Variants in BRK1 observed in about 807,000 individuals in gnomAD.
BRK1 encodes the protein BRICK1 subunit of SCAR/WAVE actin nucleating complex.
Under a neutral mutation model 9.9 loss-of-function variants are expected in BRK1, and 6 were observed. The ratio of observed to expected loss-of-function variants is 0.60; its 90% CI spans 0.33 to 1.19. The LOEUF (loss-of-function observed/expected upper bound fraction) is 1.19. BRK1 is among the 50% of genes most tolerant of loss of function. The pLI is 0.04. For synonymous variants in BRK1, 44 were observed against 31.9 expected (o/e 1.38, Z -1.28); for missense variants, 62 against 97.5 (o/e 0.64, Z 1.53).
At chr3:10,118,740 A>C (rs1695718479) in intron 1 of BRK1, among the ~76,000 whole-genome samples, 1 of 152,000 alleles carries the variant, frequency 6.6e-6, no homozygotes, top group Non-Finnish European at 1.5e-5. Flanking sequence ...ACCTCTGTTC[A>C]ACCTCCCAAA....
intron 1 of BRK1, among the ~76,000 whole-genome samples, chr3:10,125,112 C>CT (rs1695819158): frequency 6.6e-6 from 1 of 151,594 alleles, no homozygotes; most frequent in African/African-American, 2.4e-5. Flanking sequence ...AGAGAAAGGA[C>CT]TTTTTTTTGA....
At chr3:10,116,191 C>A (rs1270927156) in intron 1 of BRK1, among the ~76,000 whole-genome samples, 7 of 152,202 alleles carry the variant, frequency 4.6e-5, no homozygotes, top group African/African-American at 1.4e-4. Context: ...AAGTGAGCAT[C>A]CGGGACCGTG....
intron 1 of BRK1, among the ~76,000 whole-genome samples, chr3:10,125,122 A>C (rs1490955670): frequency 2.6e-5 from 4 of 151,856 alleles, no homozygotes; most frequent in Non-Finnish European, 4.4e-5. Context: ...CTTTTTTTTG[A>C]GACAGAGTTT....
At chr3:10,121,712 C>G (rs943172199) in intron 1 of BRK1, among the ~76,000 whole-genome samples, 1 of 151,282 alleles carries the variant, frequency 6.6e-6, no homozygotes, top group East Asian at 1.9e-4. Flanking sequence ...GAATATTTTC[C>G]TATTTCATTA....
intron 1 of BRK1, among the ~76,000 whole-genome samples, chr3:10,123,791 A>G (rs1290853411): frequency 8.3e-6 from 1 of 119,990 alleles, no homozygotes; most frequent in African/African-American, 3.4e-5. Context: ...GCTGCAGTGC[A>G]GTGGTGCAAT....
chr3:10,123,865 A>C (rs1182404685), intron 1 of BRK1, among the ~76,000 whole-genome samples: 1 of 148,212 alleles, frequency 6.7e-6, no homozygotes, highest in African/African-American at 2.5e-5. Context: ...CCTCCCGAGT[A>C]GCTGGGACTA....
At chr3:10,122,575 C>T (rs1695772856) in intron 1 of BRK1, among the ~76,000 whole-genome samples, 1 of 151,962 alleles carries the variant, frequency 6.6e-6, no homozygotes, top group South Asian at 2.1e-4. Flanking sequence ...TAGCCAGGCA[C>T]AGTGGCATCC....
chr3:10,125,841 A>G, intron 2 of BRK1, 133 bp downstream of exon 2: 1 of 639,070 alleles, frequency 1.6e-6, no homozygotes, highest in Non-Finnish European at 2.7e-6. Context: ...CTGTAATCCC[A>G]GCACTTTGGG....
rs1379998078 is a variant in BRK1 at position 10,126,254 on chromosome 3, C to G, written c.202-15C>G. 2 of 1,516,236 alleles carry G rather than the reference C, an allele frequency of 1.3e-6. No homozygotes were observed. The highest frequency in any genetic ancestry group is 1.8e-6 in the Non-Finnish European group (2 of 1,137,418). The allele number at this position is 1,516,236 out of a possible 1,614,324, so 93.9% of individuals were successfully genotyped here. A position where few individuals can be genotyped will look rare whatever the true frequency, so the allele number is the denominator to read the frequency against. On this transcript the variant is annotated splice_polypyrimidine_tract_variant and intron_variant, in intron 2 of 2. Transcript: ENST00000530758. ...TTTAATTTATCTAAATGTCAGTTTTCCTTTCCTTTCACAGGTGACAAAAGG... is the reference window on the plus strand; with the variant it reads ...TTTAATTTATCTAAATGTCAGTTTTGCTTTCCTTTCACAGGTGACAAAAGG...
In BRK1 at chr3:10,125,657, A is replaced by G; in HGVS notation, c.150A>G (p.Leu50=). The change falls in exon 2 of 3, where the codon CTA becomes CTG. Residue 50 remains leucine, a synonymous_variant. Coordinates refer to ENST00000530758, the MANE Select transcript of BRK1 (RefSeq NM_018462.5). ...DMSCRSRLAT[L]NEKLTALERR... ...CTTGTCGTTCAAGACTTGCAACACT[A>G]AACGAGAAATTGACAGCCCTTGAAC... The G allele has an allele frequency of 6.2e-7, 1 of 1,612,998 alleles. No individual in the cohort carries two copies. The highest frequency in any genetic ancestry group is 1.1e-5 in the South Asian group (1 of 90,868).
intron 1 of BRK1, among the ~76,000 whole-genome samples, chr3:10,118,755 TG>T (rs1198361963): frequency 2.6e-5 from 4 of 152,112 alleles, no homozygotes; most frequent in Non-Finnish European, 5.9e-5. Context: ...CCCAAAGTGC[TG>T]GGATTACAGG....
At chr3:10,116,937 C>T (rs1196802299) in intron 1 of BRK1, among the ~76,000 whole-genome samples, 1 of 152,124 alleles carries the variant, frequency 6.6e-6, no homozygotes, top group African/African-American at 2.4e-5. Flanking sequence ...TATTTTCATA[C>T]AGGGTGTTTA....
Position 10,115,712 on chromosome 3 carries a change from A to C in BRK1, c.11A>C (p.Gln4Pro). The C allele has an allele frequency of 6.2e-7, 1 of 1,612,736 alleles. No homozygotes were observed. Among genetic ancestry groups the C allele is most frequent in the Non-Finnish European group, 8.5e-7 (1 of 1,179,254 alleles). The change falls in exon 1 of 3, where the codon CAG becomes CCG. Residue 4 changes from glutamine (Q) to proline (P), a missense_variant. Gln to Pro is a moderately conservative substitution (Grantham distance 76, BLOSUM62 -1). Coordinates refer to ENST00000530758, the MANE Select transcript of BRK1 (RefSeq NM_018462.5). MAG[Q>P]EDPVQREIHQ... is the part of the protein sequence containing the mutation. ...CCTCAGGCGGCGGCCATGGCGGGAC[A>C]GGAGGATCCGGTGCAGCGGGAGATT... is the stretch of plus-strand genomic sequence containing the variant.
intron 1 of BRK1, among the ~76,000 whole-genome samples, chr3:10,119,277 C>T (rs1472458491): frequency 2.6e-5 from 4 of 151,864 alleles, no homozygotes; most frequent in East Asian, 1.9e-4. Flanking sequence ...GCCAATATGG[C>T]GAAACCCCAT....
chr3:10,125,802 A>C (rs1695831566), intron 2 of BRK1, 94 bp downstream of exon 2: 1 of 927,428 alleles, frequency 1.1e-6, no homozygotes, highest in Admixed American at 2.3e-5. Flanking sequence ...TAGGAAACTT[A>C]AGCACTGGCC....
In BRK1 at chr3:10,120,165, G is replaced by T. The variant is rs190534367; in HGVS notation, c.118+4346G>T. On this transcript the variant is annotated intron_variant, in intron 1 of 2. Transcript: ENST00000530758. ...CTGCCTCAGCCTCCTGAGTAGCTGG[G>T]ACTACAGGCATGCGCCACCACGCCT... 3.3e-5 allele frequency among the ~76,000 whole-genome samples: 5 copies of T among 151,842 alleles called. No homozygotes were observed. The East Asian group carries it at 9.7e-4, about 29-fold the overall frequency.
chr3:10,126,111 A>G (rs1695836261), intron 2 of BRK1, among the ~76,000 whole-genome samples, 158 bp from the exon 3 acceptor site: 1 of 152,082 alleles, frequency 6.6e-6, no homozygotes, highest in African/African-American at 2.4e-5. Context: ...AAGAAGAGAA[A>G]AGTTAAGCAT....
chr3:10,115,821 T>C lies in BRK1; in HGVS notation c.118+2T>C. 1 of 1,612,538 alleles carries C rather than the reference T, an allele frequency of 6.2e-7. No homozygotes were observed. Among genetic ancestry groups the C allele is most frequent in the Non-Finnish European group, 8.5e-7 (1 of 1,178,608 alleles). On this transcript the variant is annotated splice_donor_variant, in intron 1 of 2. Transcript: ENST00000530758. LOFTEE classifies it high-confidence loss of function. The stretch of plus-strand genomic sequence containing the variant: ...TCGCAGACTTTCTCAACTCGTTCGG[T>C]CAGCGGGCCAGCAAGGGGAGGCGGG...
At chr3:10,116,747 G>A (rs1695691966) in intron 1 of BRK1, among the ~76,000 whole-genome samples, 1 of 152,202 alleles carries the variant, frequency 6.6e-6, no homozygotes, top group Non-Finnish European at 1.5e-5. Context: ...AAAGGTGACA[G>A]AGCAAGAGAT....
Sources: allele counts gnomAD v4.1 joint callset (sites outside exome capture counted in the v4.1 genomes callset), GRCh38; gene constraint gnomAD v4.1.1; transcripts MANE v1.5; gene names NCBI Gene and HGNC (gene_info 2026-07-23, HGNC 2026-07-21).